The following SUDS3 variants were observed in gnomAD, a reference collection of about 807,000 sequenced individuals.
The protein encoded by SUDS3 is sin3 histone deacetylase corepressor complex component SDS3.
Under a neutral mutation model 53.5 loss-of-function variants are expected in SUDS3, and 23 were observed. The observed-to-expected ratio is 0.43, with a 90% CI of 0.31 to 0.61. The LOEUF (loss-of-function observed/expected upper bound fraction) is 0.61, where lower values mean the gene tolerates loss of function less well. SUDS3 is among the 20% of genes least tolerant of loss of function. The probability of loss-of-function intolerance (pLI) is 0.10; values close to 1 mark genes in which losing one functional copy is unlikely to be tolerated. For synonymous variants in SUDS3, 150 were observed against 148.5 expected, an observed-to-expected ratio of 1.01 and a Z score of -0.08; for missense variants, 291 against 405.9, an observed-to-expected ratio of 0.72 and a Z score of 2.43.
intron 10 of SUDS3, among the ~76,000 whole-genome samples, chr12:118,406,378 C>T (rs1779032832): frequency 6.6e-6 from 1 of 152,154 alleles, no homozygotes; most frequent in Admixed American, 6.5e-5. Flanking sequence ...CGTGGACTCA[C>T]TTATTGGGGA....
At chr12:118,394,005 G>T (rs2046191822) in intron 6 of SUDS3, among the ~76,000 whole-genome samples, 1 of 152,104 alleles carries the variant, frequency 6.6e-6, no homozygotes, top group Non-Finnish European at 1.5e-5. Flanking sequence ...TTCCCCAGGG[G>T]TCGCTGATCC....
At chr12:118,400,790 TTTTAAGACTG>T in intron 7 of SUDS3, 36 bp downstream of exon 7, 1 of 1,590,330 alleles carries the variant, frequency 6.3e-7, no homozygotes, top group Non-Finnish European at 8.6e-7. Context: ...CGCCTTTCTT[TTTTAAGACTG>T]TGGAATCCTA....
In SUDS3 at chr12:118,391,227, A is replaced by G; in HGVS notation, c.462A>G (p.Leu154=). 3.7e-6 allele frequency: 6 copies of G among 1,613,332 alleles called. No homozygotes were observed. The highest frequency in any genetic ancestry group is 4.2e-6 in the Non-Finnish European group (5 of 1,179,760). The change falls in exon 6 of 12, where the codon CTA becomes CTG. Residue 154 remains leucine (L), a synonymous_variant. Transcript: ENST00000543473. The part of the protein sequence containing the change: ...VELKENLIAE[L]EEKKKMIENE... ...TGAAAGAGAACCTGATTGCTGAGCT[A>G]GAAGAAAAGAAGAAAATGATTGAAA... is the stretch of plus-strand genomic sequence containing the variant.
rs201143743 is a variant in SUDS3 at position 118,389,927 on chromosome 12, A to C, written c.341A>C (p.Glu114Ala). 1 of 1,614,032 alleles carries C rather than the reference A, an allele frequency of 6.2e-7. No individual in the cohort carries two copies. The highest frequency in any genetic ancestry group is 8.5e-7 in the Non-Finnish European group (1 of 1,179,884). The part of the protein sequence containing the change: ...QQYKERIRNA[E>A]LFLQLETEQV... Reference sequence around the variant, plus strand: ...TAATTGCACTTTTTATCTCTTGCAGAACTCTTCCTCCAGCTGGAAGTAAGT... The same window carrying C: ...TAATTGCACTTTTTATCTCTTGCAGCACTCTTCCTCCAGCTGGAAGTAAGT... Residue 114 changes from glutamate to alanine, a missense_variant and splice_region_variant, in exon 5 of 12, where the codon GAA (glutamate) becomes GCA (alanine). By Grantham distance (107) the Glu-to-Ala change is moderately radical. Around this residue, in one of 4 missense-constraint regions of SUDS3, gnomAD observed 149 missense variants for 146.5 expected, o/e 1.02. Coordinates refer to ENST00000543473, the MANE Select transcript of SUDS3 (RefSeq NM_022491.3).
rs1223016347 is a variant in SUDS3, at chr12:118,417,789, TC to T, written c.*3358del. 6.6e-6 allele frequency: 1 copy of T among 152,118 alleles called. No individual in the cohort carries two copies. The highest frequency in any genetic ancestry group is 1.5e-5 in the Non-Finnish European group (1 of 68,012). The allele number at this position is 152,118 out of a possible 1,614,324, so 9.4% of individuals were successfully genotyped here. A position where few individuals can be genotyped will look rare whatever the true frequency, so the allele number is the denominator to read the frequency against. On this transcript the variant is annotated 3_prime_UTR_variant, in exon 12 of 12. Coordinates refer to ENST00000543473, the MANE Select transcript of SUDS3 (RefSeq NM_022491.3). ...ATAGAAATTTATTTTAGGTTTTTGA[TC>T]CATTGCTTATGGGGAAAGGAAGTTA...
intron 6 of SUDS3, among the ~76,000 whole-genome samples, chr12:118,396,221 A>G (rs922474008): frequency 6.6e-6 from 1 of 152,012 alleles, no homozygotes; most frequent in Non-Finnish European, 1.5e-5. Context: ...GTTATATCCC[A>G]TTTCTTTTTA....
At chr12:118,414,199 A>G (rs938021433) in intron 11 of SUDS3, 136 bp from the exon 12 acceptor site, 3 of 662,224 alleles carry the variant, frequency 4.5e-6, no homozygotes, top group East Asian at 5.9e-5. Context: ...AGCCCTCACA[A>G]GTTGAGACAG....
chr12:118,382,236 C>T (rs1259702830), intron 2 of SUDS3, among the ~76,000 whole-genome samples: 7 of 151,902 alleles, frequency 4.6e-5, no homozygotes, highest in East Asian at 1.9e-4. Context: ...TTAGTAGAGA[C>T]GGGGTTTCAC....
intron 1 of SUDS3, among the ~76,000 whole-genome samples, chr12:118,378,600 G>C: frequency 6.6e-6 from 1 of 151,684 alleles, no homozygotes; most frequent in Non-Finnish European, 1.5e-5. Flanking sequence ...TCCTGCCTCA[G>C]TCTCCGGAGT....
Position 118,380,236 on chromosome 12 carries a change from G to C in SUDS3, c.212+5G>C. ...CTATGTAGAAATGAAGGAACAGTGA[G>C]TATGATATGCCTATGTCTTTTTGGA... On this transcript the variant is annotated splice_donor_5th_base_variant and intron_variant, in intron 2 of 11. Coordinates refer to ENST00000543473, the MANE Select transcript of SUDS3 (RefSeq NM_022491.3). 1 of 1,601,136 alleles carries C rather than the reference G, an allele frequency of 6.2e-7. No homozygotes were observed. Among genetic ancestry groups the C allele is most frequent in the Non-Finnish European group, 8.5e-7 (1 of 1,173,178 alleles).
At chr12:118,413,990 T>C (rs567558235) in intron 11 of SUDS3, among the ~76,000 whole-genome samples, 27 of 152,238 alleles carry the variant, frequency 1.8e-4, no homozygotes, top group Non-Finnish European at 3.4e-4. Context: ...AATAGATGTC[T>C]CTTGAGTGTT....
At chr12:118,390,622 G>A (rs978941889) in intron 5 of SUDS3, among the ~76,000 whole-genome samples, 1 of 152,106 alleles carries the variant, frequency 6.6e-6, no homozygotes, top group Non-Finnish European at 1.5e-5. Context: ...GCCCACCATA[G>A]GCCCCTATGT....
At chr12:118,413,858 CCT>C (rs2046378611) in intron 11 of SUDS3, among the ~76,000 whole-genome samples, 1 of 152,068 alleles carries the variant, frequency 6.6e-6, no homozygotes, top group Non-Finnish European at 1.5e-5. Context: ...ATATTTTTTC[CCT>C]GTTTTTCTGC....
intron 3 of SUDS3, among the ~76,000 whole-genome samples, chr12:118,385,109 T>C (rs2046103070): frequency 6.6e-6 from 1 of 151,522 alleles, no homozygotes; most frequent in Non-Finnish European, 1.5e-5. Flanking sequence ...TGTTTTTGCT[T>C]TTCTTTTTTT....
At chr12:118,411,757 T>A (rs2046361926) in intron 11 of SUDS3, among the ~76,000 whole-genome samples, 1 of 152,082 alleles carries the variant, frequency 6.6e-6, no homozygotes, top group African/African-American at 2.4e-5. Flanking sequence ...CAGCTCGGCC[T>A]CCCAAAGTGC....
At chr12:118,405,349 C>T (rs1416710472) in intron 10 of SUDS3, among the ~76,000 whole-genome samples, 1 of 152,162 alleles carries the variant, frequency 6.6e-6, no homozygotes, top group African/African-American at 2.4e-5. Flanking sequence ...GCTTAATCCT[C>T]AGACTTTACG....
intron 4 of SUDS3, among the ~76,000 whole-genome samples, chr12:118,387,696 C>T (rs1348199014): frequency 2.6e-5 from 4 of 152,022 alleles, no homozygotes; most frequent in South Asian, 2.1e-4. Context: ...GAATTACAGG[C>T]GCCTGCCACC....
chr12:118,394,766 A>C (rs1435310207), intron 6 of SUDS3, among the ~76,000 whole-genome samples: 1 of 152,166 alleles, frequency 6.6e-6, no homozygotes, highest in Admixed American at 6.5e-5. Context: ...GGCTCACTGC[A>C]GCTCGACTTC....
intron 6 of SUDS3, among the ~76,000 whole-genome samples, chr12:118,398,633 T>TC (rs35076803): frequency 7.3e-6 from 1 of 137,174 alleles, no homozygotes; most frequent in Non-Finnish European, 1.6e-5. Context: ...TTTTTTTTTT[T>TC]CAAATTTTCT....
Sources: allele counts gnomAD v4.1 joint callset (sites outside exome capture counted in the v4.1 genomes callset), GRCh38; gene constraint gnomAD v4.1.1; regional missense constraint gnomAD v4.1.1; transcripts MANE v1.5; gene names NCBI Gene and HGNC (gene_info 2026-07-23, HGNC 2026-07-21).